Variants in CSMD3 observed in about 807,000 individuals in gnomAD.
The protein encoded by CSMD3 is CUB and sushi domain-containing protein 3.
A neutral mutation model predicts 435.2 loss-of-function variants in CSMD3; 177 were observed. The ratio of observed to expected loss-of-function variants is 0.41; its 90% CI spans 0.36 to 0.46. The LOEUF (loss-of-function observed/expected upper bound fraction) is 0.46, where lower values mean the gene tolerates loss of function less well. Among genes scored for constraint, CSMD3 ranks in the 20% least tolerant of loss-of-function variants. The pLI is 0.34. For missense variants in CSMD3, 4,265 were observed against 4,504.6 expected, an observed-to-expected ratio of 0.95 and a Z score of 1.52; for synonymous variants, 1,656 against 1,520.5, an observed-to-expected ratio of 1.09 and a Z score of -2.07.
chr8:113,352,841 T>A (rs1184314377), intron 1 of CSMD3, among the ~76,000 whole-genome samples: 1 of 152,226 alleles, frequency 6.6e-6, no homozygotes, highest in African/African-American at 2.4e-5. Context: ...TTGTACAGCT[T>A]ATCAAGGTGT....
chr8:112,303,512 G>A (rs979567745), intron 52 of CSMD3, among the ~76,000 whole-genome samples: 1 of 151,946 alleles, frequency 6.6e-6, no homozygotes, highest in South Asian at 2.1e-4. Context: ...CTGAGATCGC[G>A]CCACTGCACT....
intron 10 of CSMD3, among the ~76,000 whole-genome samples, chr8:112,895,368 C>G (rs1463862945): frequency 1.3e-5 from 2 of 151,146 alleles, no homozygotes; most frequent in Non-Finnish European, 3.0e-5. Context: ...ATTATAGGAA[C>G]CTGATATGTA....
At chr8:113,340,252 T>G (rs993060357) in intron 1 of CSMD3, among the ~76,000 whole-genome samples, 1 of 152,128 alleles carries the variant, frequency 6.6e-6, no homozygotes, top group African/African-American at 2.4e-5. Context: ...AATTATAAAT[T>G]AGTACTCTTA....
intron 1 of CSMD3, among the ~76,000 whole-genome samples, chr8:113,349,574 G>A (rs2094175607): frequency 6.6e-6 from 1 of 152,028 alleles, no homozygotes; most frequent in South Asian, 2.1e-4. Context: ...TTCAGGCCAG[G>A]AGTTTGACAC....
chr8:113,019,190 AAAG>A lies in CSMD3; in HGVS notation c.918-14_918-12del, dbSNP rs781534591. 2 of 1,564,294 alleles carry A rather than the reference AAAG, an allele frequency of 1.3e-6. No homozygotes were observed. Among genetic ancestry groups the A allele is most frequent in the Admixed American group, 3.3e-5 (2 of 59,944 alleles). On this transcript the variant is annotated splice_polypyrimidine_tract_variant and intron_variant, in intron 5 of 70. Transcript: ENST00000297405. ...TTCATTCCAGATAACCTGAATTACAAAAGACAACAACAAAAAAATTTAAAAAGC... is the reference window on the plus strand; with the variant it reads ...TTCATTCCAGATAACCTGAATTACAAACAACAACAAAAAAATTTAAAAAGC...
At chr8:112,362,982 C>A (rs1827398438) in intron 38 of CSMD3, among the ~76,000 whole-genome samples, 1 of 151,870 alleles carries the variant, frequency 6.6e-6, no homozygotes, top group Non-Finnish European at 1.5e-5. Context: ...AAATGGAAGG[C>A]AGAATATAGA....
At chr8:112,882,433 T>A (rs966317480) in intron 10 of CSMD3, among the ~76,000 whole-genome samples, 3 of 151,996 alleles carry the variant, frequency 2.0e-5, no homozygotes, top group Non-Finnish European at 4.4e-5. Context: ...CCTACAAGCT[T>A]CCTTTGCACA....
chr8:112,890,156 C>T (rs1222517667), intron 10 of CSMD3, among the ~76,000 whole-genome samples: 1 of 151,602 alleles, frequency 6.6e-6, no homozygotes. Flanking sequence ...AATTCAACAT[C>T]AGGGAGAAAT....
At chr8:112,287,000 T>TCCAGTACAACTA in intron 58 of CSMD3, 64 bp downstream of exon 58, 1 of 1,335,108 alleles carries the variant, frequency 7.5e-7, no homozygotes, top group Non-Finnish European at 1.1e-6. Flanking sequence ...GTAGTACTCA[T>TCCAGTACAACTA]CTGGATTTAG....
chr8:112,938,354 C>T (rs577737199), intron 9 of CSMD3, among the ~76,000 whole-genome samples: 2 of 152,120 alleles, frequency 1.3e-5, no homozygotes, highest in South Asian at 4.1e-4. Context: ...CTGTATACCT[C>T]GAATTGTGAT....
intron 5 of CSMD3, among the ~76,000 whole-genome samples, chr8:113,040,100 C>G (rs569213032): frequency 1.3e-5 from 2 of 152,224 alleles, no homozygotes; most frequent in African/African-American, 4.8e-5. Context: ...GGTTAGAGGT[C>G]TGAGAAAGAC....
intron 22 of CSMD3, among the ~76,000 whole-genome samples, chr8:112,600,132 T>C (rs572387455): frequency 6.6e-6 from 1 of 152,206 alleles, no homozygotes; most frequent in Non-Finnish European, 1.5e-5. Context: ...AGAAGTCACT[T>C]GAAAAAAATC....
At chr8:112,795,489 T>C (rs780530483) in intron 13 of CSMD3, among the ~76,000 whole-genome samples, 1 of 152,132 alleles carries the variant, frequency 6.6e-6, no homozygotes, top group African/African-American at 2.4e-5. Flanking sequence ...AATGTTCAAA[T>C]ATAAATTCAC....
Position 112,231,641 on chromosome 8 carries a change from A to T in CSMD3, c.10741-9T>A. 1 of 1,539,350 alleles carries T rather than the reference A, an allele frequency of 6.5e-7. No individual in the cohort carries two copies. The highest frequency in any genetic ancestry group is 9.0e-7 in the Non-Finnish European group (1 of 1,112,172). ...TCAGGCTCAGCAGAAACCTAAAAAT[A>T]TTTAAACAGCCAAATATACTTGAAT... On this transcript the variant is annotated splice_polypyrimidine_tract_variant and intron_variant, in intron 68 of 70. Transcript: ENST00000297405.
At chr8:113,365,587 G>C (rs1415181951) in intron 1 of CSMD3, among the ~76,000 whole-genome samples, 1 of 151,994 alleles carries the variant, frequency 6.6e-6, no homozygotes, top group South Asian at 2.1e-4. Flanking sequence ...AATAGATTAT[G>C]TACATTTTAA....
At chr8:113,112,113 C>G (rs760960112) in intron 4 of CSMD3, among the ~76,000 whole-genome samples, 41 of 151,968 alleles carry the variant, frequency 2.7e-4, no homozygotes, top group Non-Finnish European at 3.2e-4. Flanking sequence ...TGAAATGATA[C>G]AGTATATAAT....
chr8:112,408,482 A>T (rs1563909693), intron 33 of CSMD3, 69 bp from the exon 34 acceptor site: 1 of 942,026 alleles, frequency 1.1e-6, no homozygotes, highest in South Asian at 1.3e-5. Flanking sequence ...AAATTATATT[A>T]TAATCTTACA....
intron 10 of CSMD3, among the ~76,000 whole-genome samples, chr8:112,879,700 C>T (rs577438938): frequency 6.6e-6 from 1 of 152,172 alleles, no homozygotes; most frequent in Admixed American, 6.6e-5. Flanking sequence ...ATTTCTCAGA[C>T]CAGCTGACAC....
chr8:112,521,105 A>G (rs991360545), intron 27 of CSMD3, among the ~76,000 whole-genome samples: 16 of 152,000 alleles, frequency 1.1e-4, no homozygotes, highest in African/African-American at 3.4e-4. Flanking sequence ...AGTCGCATGT[A>G]CAGTACTATA....
Sources: gnomAD v4.1 joint callset for allele counts (sites outside exome capture counted in the v4.1 genomes callset) on GRCh38, gnomAD v4.1.1 for gene constraint, MANE v1.5 for transcripts, NCBI Gene and HGNC (gene_info 2026-07-23, HGNC 2026-07-21) for gene names.